DEPTOR: variants seen among roughly 807,000 people sequenced by gnomAD.
DEPTOR encodes the protein DEP domain-containing mTOR-interacting protein.
In DEPTOR, 41 loss-of-function variants were observed where a neutral mutation model predicts 41.6. The observed-to-expected ratio is 0.98, with a 90% confidence interval of 0.77 to 1.28. The LOEUF (loss-of-function observed/expected upper bound fraction) is 1.28. Among genes scored for constraint, DEPTOR ranks in the 50% most tolerant of loss-of-function variants. The pLI is 0.00. For missense variants in DEPTOR, 514 were observed against 527.9 expected (o/e 0.97, Z 0.26); for synonymous variants, 195 against 192.3 (o/e 1.01, Z -0.12).
chr8:119,921,749 T>G (rs1827896682), intron 1 of DEPTOR, among the ~76,000 whole-genome samples: 1 of 125,972 alleles, frequency 7.9e-6, no homozygotes, highest in East Asian at 2.1e-4. Flanking sequence ...TATTCTGTAG[T>G]TTTTTTTTTT....
chr8:119,955,906 A>C (rs1167325529), intron 3 of DEPTOR, among the ~76,000 whole-genome samples: 2 of 152,186 alleles, frequency 1.3e-5, no homozygotes, highest in Non-Finnish European at 2.9e-5. Context: ...GGAGAAGAGA[A>C]GGAGAAGAAC....
At chr8:119,937,935 A>G (rs1304775218) in intron 3 of DEPTOR, among the ~76,000 whole-genome samples, 1 of 152,182 alleles carries the variant, frequency 6.6e-6, no homozygotes, top group African/African-American at 2.4e-5. Flanking sequence ...GAGATAAGGA[A>G]GATGTTATCT....
chr8:119,889,816 C>A (rs1222785437), intron 1 of DEPTOR, among the ~76,000 whole-genome samples: 1 of 152,058 alleles, frequency 6.6e-6, no homozygotes, highest in Non-Finnish European at 1.5e-5. Flanking sequence ...TTCTGGGTTG[C>A]CCTTCTGACC....
intron 8 of DEPTOR, among the ~76,000 whole-genome samples, chr8:120,043,872 C>T (rs1326988410): frequency 7.9e-5 from 12 of 151,582 alleles, no homozygotes; most frequent in Admixed American, 4.6e-4. Context: ...ATTAGCTGGG[C>T]GTGGTGGTGT....
intron 6 of DEPTOR, among the ~76,000 whole-genome samples, chr8:120,005,759 G>T (rs1186467223): frequency 6.6e-6 from 1 of 152,178 alleles, no homozygotes; most frequent in Non-Finnish European, 1.5e-5. Context: ...GGATGGGGGG[G>T]TTCATTATCG....
intron 3 of DEPTOR, among the ~76,000 whole-genome samples, chr8:119,963,989 T>A (rs1464432906): frequency 6.6e-6 from 1 of 152,196 alleles, no homozygotes; most frequent in African/African-American, 2.4e-5. Flanking sequence ...CTTCTTGGTT[T>A]GCAGGTGGCT....
At chr8:120,005,391 G>T (rs1006020305) in intron 6 of DEPTOR, among the ~76,000 whole-genome samples, 1 of 152,224 alleles carries the variant, frequency 6.6e-6, no homozygotes, top group Admixed American at 6.5e-5. Flanking sequence ...TCAACAAGAA[G>T]CACTGGATTG....
At chr8:119,934,157 A>G (rs1393638614) in intron 3 of DEPTOR, among the ~76,000 whole-genome samples, 2 of 152,160 alleles carry the variant, frequency 1.3e-5, no homozygotes, top group African/African-American at 2.4e-5. Flanking sequence ...TTGGGATTAT[A>G]GGCGTGAGCC....
rs546030504 is a variant in DEPTOR at position 119,938,691 on chromosome 8, C to T, written c.425+8753C>T. ...CCACACCTGGCTAATGGTTTATTTTCAGTAGAGAGCGTTTTGCCAGGTTGG... is the reference window on the plus strand; with the variant it reads ...CCACACCTGGCTAATGGTTTATTTTTAGTAGAGAGCGTTTTGCCAGGTTGG... On this transcript the variant is annotated intron_variant, in intron 3 of 8. Coordinates refer to ENST00000286234, the MANE Select transcript of DEPTOR (RefSeq NM_022783.4). Among the ~76,000 whole-genome samples, 171 of 152,068 alleles carry T rather than the reference C, an allele frequency of 1.1e-3. 1 individual carries two copies. The highest frequency in any genetic ancestry group is 2.1e-3 in the Non-Finnish European group (141 of 67,966).
chr8:119,958,183 G>A (rs1828443555), intron 3 of DEPTOR, among the ~76,000 whole-genome samples: 1 of 152,188 alleles, frequency 6.6e-6, no homozygotes, highest in South Asian at 2.1e-4. Context: ...TTGGTTTCAT[G>A]TGGGCACATT....
chr8:119,922,475 T>TA (rs1827910211), intron 1 of DEPTOR, among the ~76,000 whole-genome samples: 1 of 152,216 alleles, frequency 6.6e-6, no homozygotes, highest in African/African-American at 2.4e-5. Flanking sequence ...CTGAGCATGT[T>TA]AAACAAATTA....
intron 3 of DEPTOR, among the ~76,000 whole-genome samples, chr8:119,954,845 GGTGTGTGTGTGTGT>G (rs10649943): frequency 6.1e-5 from 9 of 147,948 alleles, no homozygotes; most frequent in African/African-American, 1.2e-4. Context: ...GGCAAATATT[GGTGTGTGTGTGTGT>G]GTGTGTGTGT....
chr8:119,959,158 C>CTTTTTT (rs60202859), intron 3 of DEPTOR, among the ~76,000 whole-genome samples: 53 of 114,870 alleles, frequency 4.6e-4, no homozygotes, highest in Non-Finnish European at 5.5e-4. Context: ...TTCTTTCTTT[C>CTTTTTT]TTTTTTTTTT....
intron 4 of DEPTOR, among the ~76,000 whole-genome samples, chr8:119,998,729 A>G (rs1812305169): frequency 6.6e-6 from 1 of 152,170 alleles, no homozygotes; most frequent in Admixed American, 6.5e-5. Context: ...GTACGTCCAG[A>G]CTAATAGTCA....
At chr8:120,043,859 A>G (rs1391870727) in intron 8 of DEPTOR, among the ~76,000 whole-genome samples, 1 of 152,006 alleles carries the variant, frequency 6.6e-6, no homozygotes, top group East Asian at 1.9e-4. Flanking sequence ...TAAAAATACA[A>G]AAATTAGCTG....
chr8:119,976,283 C>G (rs1029235146), intron 4 of DEPTOR, among the ~76,000 whole-genome samples: 1 of 152,014 alleles, frequency 6.6e-6, no homozygotes, highest in Non-Finnish European at 1.5e-5. Flanking sequence ...CTTTCTTTAC[C>G]CCTAACTAGA....
intron 4 of DEPTOR, among the ~76,000 whole-genome samples, chr8:119,970,898 G>A (rs750110127): frequency 6.6e-6 from 1 of 152,108 alleles, no homozygotes; most frequent in Non-Finnish European, 1.5e-5. Context: ...AGCCCTCGGA[G>A]GGGCCAAGGG....
intron 4 of DEPTOR, among the ~76,000 whole-genome samples, chr8:119,994,252 G>A (rs756474502): frequency 6.6e-6 from 1 of 152,130 alleles, no homozygotes; most frequent in East Asian, 1.9e-4. Flanking sequence ...GGAGGCGTAA[G>A]TTGCAGTGAG....
At position 120,045,623 on chromosome 8, in the gene DEPTOR, C is replaced by T. The variant is rs145833134; in HGVS notation, c.1102-3953C>T. Among the ~76,000 whole-genome samples the T allele has an allele frequency of 7.2e-3, 1,092 of 152,322 alleles. 18 individuals carry two copies. The highest frequency in any genetic ancestry group is 0.021 in the African/African-American group (889 of 41,568). ...CTCCTGAGCTCGAGTGATCCGCCTG[C>T]CTTGGCCTCCCAAAGTGCTAGGATT... On this transcript the variant is annotated intron_variant, in intron 8 of 8. Transcript: ENST00000286234.
Sources: gnomAD v4.1 joint callset for allele counts (sites outside exome capture counted in the v4.1 genomes callset) on GRCh38, gnomAD v4.1.1 for gene constraint, MANE v1.5 for transcripts, NCBI Gene and HGNC (gene_info 2026-07-23, HGNC 2026-07-21) for gene names.